The following ZBTB44 variants were observed in gnomAD, a reference collection of about 807,000 sequenced individuals.
ZBTB44 encodes zinc finger and BTB domain containing 44, also known as zinc finger and BTB domain-containing protein 44.
A neutral mutation model predicts 54.0 loss-of-function variants in ZBTB44; 15 were observed. The observed-to-expected ratio is 0.28, with a 90% confidence interval of 0.19 to 0.43. ZBTB44 has a LOEUF of 0.43. ZBTB44 is among the 20% of genes least tolerant of loss of function. The pLI is 1.00. For missense variants in ZBTB44, 487 were observed against 707.1 expected (o/e 0.69, Z 3.53); for synonymous variants, 230 against 250.1 (o/e 0.92, Z 0.76).
intron 1 of ZBTB44, among the ~76,000 whole-genome samples, chr11:130,267,487 C>A (rs1371222618): frequency 6.6e-6 from 1 of 151,898 alleles, no homozygotes; most frequent in Non-Finnish European, 1.5e-5. Context: ...CTCACCGTAG[C>A]CTTGAAGTCC....
intron 1 of ZBTB44, among the ~76,000 whole-genome samples, chr11:130,298,832 G>GACAC (rs71061379): frequency 0.024 from 3,536 of 149,644 alleles, 120 homozygotes; most frequent in African/African-American, 0.078. Context: ...CAGACACCCA[G>GACAC]ACACACACAC....
intron 1 of ZBTB44, among the ~76,000 whole-genome samples, chr11:130,286,136 C>T (rs550566223): frequency 6.6e-6 from 1 of 152,188 alleles, no homozygotes; most frequent in Non-Finnish European, 1.5e-5. Flanking sequence ...AATTATCAGA[C>T]TGAGACGAAA....
rs903384064 is a variant in ZBTB44 at position 130,314,893 on chromosome 11, G to C, written c.-575C>G. The C allele has an allele frequency of 1.3e-5, 2 of 151,700 alleles. No homozygotes were observed. The highest frequency in any genetic ancestry group is 6.5e-5 in the Admixed American group (1 of 15,268). The allele number at this position is 151,700 out of a possible 1,614,324, so 9.4% of individuals were successfully genotyped here. A position where few individuals can be genotyped will look rare whatever the true frequency, so the allele number is the denominator to read the frequency against. ...GCTCCGCTCACTCCAGCCTGTTTGG[G>C]GGCACTTTGTTTGTGTCCCACAATG... On this transcript the variant is annotated 5_prime_UTR_variant, in exon 1 of 8. Coordinates refer to ENST00000357899, the MANE Select transcript of ZBTB44 (RefSeq NM_001301098.2).
At chr11:130,239,631 GAA>G in intron 3 of ZBTB44, 179 bp downstream of exon 3, 4 of 416,534 alleles carry the variant, frequency 9.6e-6, no homozygotes, top group Non-Finnish European at 1.3e-5. Context: ...AAATGCTGGG[GAA>G]AAAAAAAAGC....
intron 1 of ZBTB44, among the ~76,000 whole-genome samples, chr11:130,263,540 T>G (rs1565661444): frequency 6.6e-6 from 1 of 152,184 alleles, no homozygotes; most frequent in Non-Finnish European, 1.5e-5. Flanking sequence ...ACCATCTGCA[T>G]GAACAAAGGT....
intron 2 of ZBTB44, among the ~76,000 whole-genome samples, chr11:130,251,770 G>A (rs1938024223): frequency 1.3e-5 from 2 of 152,098 alleles, no homozygotes; most frequent in Admixed American, 1.3e-4. Context: ...CCTGAAGGAA[G>A]CACTAAATAT....
intron 2 of ZBTB44, among the ~76,000 whole-genome samples, chr11:130,242,348 AC>A (rs1954404835): frequency 6.6e-6 from 1 of 152,094 alleles, no homozygotes; most frequent in Non-Finnish European, 1.5e-5. Flanking sequence ...CTGATATTTT[AC>A]TTCTTTGTTC....
At chr11:130,292,619 T>C (rs1458661178) in intron 1 of ZBTB44, among the ~76,000 whole-genome samples, 2 of 152,240 alleles carry the variant, frequency 1.3e-5, no homozygotes. Flanking sequence ...TATTCTTTTA[T>C]GTTCAATCAC....
chr11:130,268,582 A>G (rs536868766), intron 1 of ZBTB44, among the ~76,000 whole-genome samples: 2 of 151,126 alleles, frequency 1.3e-5, no homozygotes, highest in East Asian at 3.9e-4. Context: ...CTCAAATTTT[A>G]TTTTATTTTA....
At chr11:130,270,152 T>C (rs1939563486) in intron 1 of ZBTB44, among the ~76,000 whole-genome samples, 1 of 152,196 alleles carries the variant, frequency 6.6e-6, no homozygotes, top group Non-Finnish European at 1.5e-5. Context: ...GAAAAGTTGA[T>C]ATTTGAAAGA....
rs747121984 is a variant in ZBTB44 at position 130,231,442 on chromosome 11, G to A, written c.*322C>T. On this transcript the variant is annotated 3_prime_UTR_variant, in exon 8 of 8. Transcript: ENST00000357899. ...ATATTCAGATTTCCCATAAAACTTG[G>A]CAATGTGTATTACCAGTGAAAATCT... 5 of 152,012 alleles carry A rather than the reference G, an allele frequency of 3.3e-5. No individual in the cohort carries two copies. The highest frequency in any genetic ancestry group is 7.4e-5 in the Non-Finnish European group (5 of 67,972). 9.4% of individuals were successfully genotyped at this position (152,012 alleles called of 1,614,324 possible).
chr11:130,251,807 T>C (rs1440116865), intron 2 of ZBTB44, among the ~76,000 whole-genome samples: 1 of 152,148 alleles, frequency 6.6e-6, no homozygotes, highest in Non-Finnish European at 1.5e-5. Context: ...TACCAGCCAC[T>C]GCAAAAACAC....
At chr11:130,267,931 G>A (rs189403340) in intron 1 of ZBTB44, among the ~76,000 whole-genome samples, 2 of 151,998 alleles carry the variant, frequency 1.3e-5, no homozygotes, top group Admixed American at 1.3e-4. Flanking sequence ...AAATTAGCCG[G>A]GTGTGGTGGC....
intron 2 of ZBTB44, among the ~76,000 whole-genome samples, chr11:130,254,279 G>A (rs1425123291): frequency 1.3e-5 from 2 of 152,084 alleles, no homozygotes; most frequent in South Asian, 2.1e-4. Flanking sequence ...GAGTGAACAG[G>A]CAACCTACAG....
chr11:130,258,021 A>C lies in ZBTB44; in HGVS notation c.1018+2835T>G, dbSNP rs11822647. On this transcript the variant is annotated intron_variant, in intron 2 of 7. Coordinates refer to ENST00000357899, the MANE Select transcript of ZBTB44 (RefSeq NM_001301098.2). ...AAGTGACCTTGATAATTTACTCTCA[A>C]AACTGGATTCCCACCACCTTCCACT... Among the ~76,000 whole-genome samples the C allele has an allele frequency of 8.6e-3, 1,316 of 152,316 alleles. 8 individuals are homozygous for C. The highest frequency in any genetic ancestry group is 0.021 in the African/African-American group (891 of 41,566).
intron 1 of ZBTB44, among the ~76,000 whole-genome samples, chr11:130,262,283 G>A (rs931847745): frequency 2.0e-5 from 3 of 152,120 alleles, no homozygotes; most frequent in Admixed American, 2.0e-4. Flanking sequence ...GGGATTACAG[G>A]CACCCGCCCT....
At chr11:130,297,074 A>G (rs1223676739) in intron 1 of ZBTB44, 1 of 636,606 alleles carries the variant, frequency 1.6e-6, no homozygotes, top group Non-Finnish European at 2.9e-6. Context: ...CCTTTCTTTC[A>G]TCTTGAATAA....
intron 1 of ZBTB44, among the ~76,000 whole-genome samples, chr11:130,271,462 C>T (rs1939663805): frequency 6.6e-6 from 1 of 152,168 alleles, no homozygotes; most frequent in Non-Finnish European, 1.5e-5. Context: ...TATGTCAAAG[C>T]TCAAGTCAAC....
intron 1 of ZBTB44, among the ~76,000 whole-genome samples, chr11:130,312,339 T>G (rs986616295): frequency 6.6e-6 from 1 of 152,210 alleles, no homozygotes; most frequent in African/African-American, 2.4e-5. Flanking sequence ...GTCAGCACTT[T>G]AATCAAATGG....
Sources: gnomAD v4.1 joint callset for allele counts (sites outside exome capture counted in the v4.1 genomes callset) on GRCh38, gnomAD v4.1.1 for gene constraint, MANE v1.5 for transcripts, NCBI Gene and HGNC (gene_info 2026-07-23, HGNC 2026-07-21) for gene names.